The following DNAJB1 variants were observed in gnomAD, a reference collection of about 807,000 sequenced individuals.
DNAJB1 encodes DnaJ heat shock protein family (Hsp40) member B1.
Under a neutral mutation model 24.0 loss-of-function variants are expected in DNAJB1, and 14 were observed. The ratio of observed to expected loss-of-function variants is 0.58; its 90% CI spans 0.39 to 0.91. The LOEUF (loss-of-function observed/expected upper bound fraction) is 0.91, where lower values mean the gene tolerates loss of function less well. DNAJB1 is among the 40% of genes least tolerant of loss of function. DNAJB1 has a pLI of 0.00. For missense variants in DNAJB1, 517 were observed against 458.1 expected (o/e 1.13, Z -1.17); for synonymous variants, 262 against 174.4 (o/e 1.50, Z -3.96).
chr19:14,539,804 C>G (rs1330264477), intron 1 of DNAJB1, among the ~76,000 whole-genome samples: 5 of 152,062 alleles, frequency 3.3e-5, no homozygotes, highest in African/African-American at 1.2e-4. Context: ...AATCTAAAGT[C>G]CAACCCCTTG....
chr19:14,534,905 C>G (rs982270766), intron 1 of DNAJB1, among the ~76,000 whole-genome samples: 7 of 152,212 alleles, frequency 4.6e-5, no homozygotes, highest in African/African-American at 1.4e-4. Context: ...ACACTGATGG[C>G]TTCTCTGCTG....
upstream of DNAJB1, chr19:14,529,733 C>T (rs375144461): frequency 3.7e-6 from 6 of 1,614,000 alleles, no homozygotes; most frequent in Non-Finnish European, 4.2e-6. Context: ...GAAACAGGGG[C>T]CGTGTGGCCA....
chr19:14,523,228 G>A (rs983580601), upstream of DNAJB1, among the ~76,000 whole-genome samples: 2 of 151,924 alleles, frequency 1.3e-5, no homozygotes, highest in Non-Finnish European at 2.9e-5. Context: ...AAAGAAAAGA[G>A]TAGATTTTAC....
intron 1 of DNAJB1, chr19:14,517,486 C>T: frequency 6.3e-6 from 1 of 159,626 alleles, no homozygotes. Flanking sequence ...CACACATTAG[C>T]ATTCACTGCC....
intron 1 of DNAJB1, among the ~76,000 whole-genome samples, chr19:14,538,090 A>G (rs1257311020): frequency 6.6e-6 from 1 of 152,134 alleles, no homozygotes; most frequent in African/African-American, 2.4e-5. Context: ...CGTGTACTAA[A>G]CATAAGACGT....
intron 1 of DNAJB1, chr19:14,536,655 C>T (rs572681304): frequency 6.6e-6 from 1 of 152,254 alleles, no homozygotes; most frequent in Non-Finnish European, 1.5e-5. Flanking sequence ...CTTCCCAACT[C>T]TGTGTTCAGG....
upstream of DNAJB1, chr19:14,532,064 G>A (rs2072692575): frequency 6.6e-6 from 1 of 151,250 alleles, no homozygotes; most frequent in Admixed American, 6.6e-5. Context: ...ATGCAGTTTG[G>A]AACATCCATA....
chr19:14,530,170 C>T, upstream of DNAJB1: 1 of 197,288 alleles, frequency 5.1e-6, no homozygotes, highest in South Asian at 7.3e-5. Flanking sequence ...CGGGACGTTC[C>T]CGGGAGACTT....
In DNAJB1 at chr19:14,517,926, C is replaced by G. The variant is rs1487950249; in HGVS notation, c.211+213G>C. 10 of 468,128 alleles carry G rather than the reference C, an allele frequency of 2.1e-5. No homozygotes were observed. In the East Asian group the frequency reaches 3.6e-4, roughly 17 times the overall value. The allele number at this position is 468,128 out of a possible 1,614,324, so 29.0% of individuals were successfully genotyped here. On this transcript the variant is annotated intron_variant, in intron 1 of 2. Coordinates refer to ENST00000254322, the MANE Select transcript of DNAJB1 (RefSeq NM_006145.3). ...CCGGGGAGGGGCAGCCCCAGACATG[C>G]TAGAAGCTTCTGGCCGAGCGGCTGG...
Position 14,516,454 on chromosome 19 carries a change from C to A in DNAJB1, c.792+12G>T. The A allele has an allele frequency of 6.2e-7, 1 of 1,608,568 alleles. No individual in the cohort carries two copies. Among genetic ancestry groups the A allele is most frequent in the Non-Finnish European group, 8.5e-7 (1 of 1,176,060 alleles). Reference sequence around the variant, plus strand: ...TCGCCCTCTACAGACACCGCCCCACCTGGCACCTTACCTCCCGGAGGCTGA... The same window carrying A: ...TCGCCCTCTACAGACACCGCCCCACATGGCACCTTACCTCCCGGAGGCTGA... On this transcript the variant is annotated intron_variant, in intron 2 of 2. Coordinates refer to ENST00000254322, the MANE Select transcript of DNAJB1 (RefSeq NM_006145.3).
At position 14,529,209 on chromosome 19, in the gene DNAJB1, C is replaced by T. The variant is rs927757261; in HGVS notation, c.-175+1G>A. 3.8e-6 allele frequency: 1 copy of T among 261,662 alleles called. No individual in the cohort carries two copies. The highest frequency in any genetic ancestry group is 7.8e-6 in the Non-Finnish European group (1 of 127,818). The allele number at this position is 261,662 out of a possible 1,614,324, so 16.2% of individuals were successfully genotyped here. ...CCCGGTGTACCCCGGGGGCCGCCCA[C>T]CTCAGAATTTACCCCTTCGGCGCCG... On this transcript the variant is annotated splice_donor_variant, in intron 1 of 3. Coordinates refer to the DNAJB1 transcript ENST00000396969. LOFTEE classifies it low-confidence loss of function (5UTR_SPLICE).
In DNAJB1 at chr19:14,515,639, AC is replaced by A; in HGVS notation, c.*300del. On this transcript the variant is annotated 3_prime_UTR_variant, in exon 3 of 3. Transcript: ENST00000254322. Reference sequence around the variant, plus strand: ...AAGTCCATCTGCTGGTCTGCCTCTCACCCCTGGCCAGGGACTGGAGGTGGAT... The same window carrying A: ...AAGTCCATCTGCTGGTCTGCCTCTCACCCTGGCCAGGGACTGGAGGTGGAT... 1 of 377,606 alleles carries A rather than the reference AC, an allele frequency of 2.6e-6. No homozygotes were observed. Among genetic ancestry groups the A allele is most frequent in the Non-Finnish European group, 4.8e-6 (1 of 207,662 alleles). The allele number at this position is 377,606 out of a possible 1,614,324, so 23.4% of individuals were successfully genotyped here.
chr19:14,525,212 G>A (rs2072405973), intron 2 of DNAJB1, among the ~76,000 whole-genome samples: 1 of 151,900 alleles, frequency 6.6e-6, no homozygotes, highest in African/African-American at 2.4e-5. Context: ...CAGCCTGGGT[G>A]ACAGAGCGAG....
upstream of DNAJB1, chr19:14,518,444 C>T (rs1029892807): frequency 1.7e-4 from 172 of 1,022,078 alleles, no homozygotes; most frequent in Non-Finnish European, 2.1e-4. Flanking sequence ...GCGGAAGCTT[C>T]CAGAGCCCGC....
chr19:14,551,057 A>G (rs2073484450), upstream of DNAJB1, among the ~76,000 whole-genome samples: 1 of 151,640 alleles, frequency 6.6e-6, no homozygotes. Flanking sequence ...CCTTAATTAT[A>G]TCTGCAAAGA....
upstream of DNAJB1, chr19:14,529,627 G>C (rs35149836): frequency 1.3e-5 from 21 of 1,612,088 alleles, no homozygotes; most frequent in Non-Finnish European, 1.8e-5. Context: ...GAGCGCTGTA[G>C]GGAGCCTGTG....
chr19:14,558,776 G>A (rs977729776), intron 1 of DNAJB1, among the ~76,000 whole-genome samples: 4 of 151,964 alleles, frequency 2.6e-5, no homozygotes, highest in Admixed American at 6.6e-5. Context: ...CAGCCCCTCC[G>A]AGTGGCTCCG....
intron 1 of DNAJB1, among the ~76,000 whole-genome samples, chr19:14,535,999 A>T (rs990737118): frequency 6.6e-6 from 1 of 151,928 alleles, no homozygotes; most frequent in Admixed American, 6.6e-5. Context: ...TCTTTGCTGT[A>T]GGCACTCAGA....
At chr19:14,545,388 A>C (rs1277855417) in intron 1 of DNAJB1, among the ~76,000 whole-genome samples, 1 of 142,738 alleles carries the variant, frequency 7.0e-6, no homozygotes, top group African/African-American at 2.5e-5. Flanking sequence ...GGGCACACCC[A>C]CTGTGGCCCT....
Sources: allele counts gnomAD v4.1 joint callset (sites outside exome capture counted in the v4.1 genomes callset), GRCh38; gene constraint gnomAD v4.1.1; transcripts MANE v1.5; gene names NCBI Gene and HGNC (gene_info 2026-07-23, HGNC 2026-07-21).